Variants in SDK1 observed in about 807,000 individuals in gnomAD.
The protein encoded by SDK1 is sidekick cell adhesion molecule 1.
Under a neutral mutation model 245.5 loss-of-function variants are expected in SDK1, and 157 were observed. The ratio of observed to expected loss-of-function variants is 0.64; its 90% CI spans 0.56 to 0.73. The LOEUF is 0.73. SDK1 is among the 30% of genes least tolerant of loss of function. The probability of loss-of-function intolerance (pLI) is 0.00; values close to 1 mark genes in which losing one functional copy is unlikely to be tolerated. For missense variants in SDK1, 3,583 were observed against 3,002.3 expected, an observed-to-expected ratio of 1.19 and a Z score of -4.52; for synonymous variants, 1,647 against 1,278.5, an observed-to-expected ratio of 1.29 and a Z score of -6.15.
chr7:3,625,941 T>TA (rs1782103324), intron 2 of SDK1, among the ~76,000 whole-genome samples: 2 of 99,702 alleles, frequency 2.0e-5, no homozygotes, highest in Admixed American at 1.1e-4. Flanking sequence ...TTCTTTTCTT[T>TA]CTTTTTTTTT....
chr7:4,261,268 C>G (rs1465908674), intron 44 of SDK1, among the ~76,000 whole-genome samples: 2 of 152,132 alleles, frequency 1.3e-5, no homozygotes, highest in Non-Finnish European at 1.5e-5. Flanking sequence ...TTCACTCTGA[C>G]TCTCAGATGA....
At chr7:3,924,439 C>T (rs529024208) in intron 5 of SDK1, among the ~76,000 whole-genome samples, 25 of 152,260 alleles carry the variant, frequency 1.6e-4, no homozygotes, top group African/African-American at 5.5e-4. Context: ...CAGCTGAGCA[C>T]GTCGTGGTGA....
chr7:3,392,306 G>T (rs1781779002), intron 1 of SDK1, among the ~76,000 whole-genome samples: 1 of 151,934 alleles, frequency 6.6e-6, no homozygotes, highest in Non-Finnish European at 1.5e-5. Flanking sequence ...TACACTTGAG[G>T]TATTTAATTC....
At chr7:3,834,968 G>A (rs1054104403) in intron 5 of SDK1, among the ~76,000 whole-genome samples, 7 of 151,930 alleles carry the variant, frequency 4.6e-5, no homozygotes, top group Admixed American at 1.3e-4. Context: ...GGCTCTCCTC[G>A]TCCCAAGATG....
rs750145998 is a variant in SDK1 at position 4,127,461 on chromosome 7, G to C, written c.3904G>C (p.Glu1302Gln). Residue 1302 changes from glutamate to glutamine, a missense_variant, in exon 26 of 45, where the codon GAA (glutamate) becomes CAA (glutamine). Transcript: ENST00000404826. Reference sequence around the variant, plus strand: ...TTTACTGACATGGACATCCGTGCCGGAACAGGACCAGAATGGGCTCATACT... The same window carrying C: ...TTTACTGACATGGACATCCGTGCCGCAACAGGACCAGAATGGGCTCATACT... ...QILLTWTSVP[E>Q]QDQNGLILGY... 1 of 1,614,182 alleles carries C rather than the reference G, an allele frequency of 6.2e-7. No individual in the cohort carries two copies. Among genetic ancestry groups the C allele is most frequent in the African/African-American group, 1.3e-5 (1 of 75,058 alleles).
At chr7:4,126,346 C>G (rs59741199) in intron 25 of SDK1, among the ~76,000 whole-genome samples, 11,358 of 152,288 alleles carry the variant, frequency 0.075, 1,184 homozygotes, top group African/African-American at 0.22. Context: ...CATATTATAT[C>G]TGAATCAGTG....
intron 34 of SDK1, among the ~76,000 whole-genome samples, chr7:4,176,499 A>G (rs1211394736): frequency 6.6e-6 from 1 of 152,174 alleles, no homozygotes; most frequent in Non-Finnish European, 1.5e-5. Flanking sequence ...AAATACATAT[A>G]ACAGAAAATG....
chr7:3,456,565 A>G (rs187504506), intron 1 of SDK1, among the ~76,000 whole-genome samples: 1 of 152,174 alleles, frequency 6.6e-6, no homozygotes, highest in Non-Finnish European at 1.5e-5. Flanking sequence ...ATTTGTTTTT[A>G]AAAAAATAAC....
At chr7:4,043,587 A>T (rs967056925) in intron 17 of SDK1, among the ~76,000 whole-genome samples, 1 of 152,224 alleles carries the variant, frequency 6.6e-6, no homozygotes, top group African/African-American at 2.4e-5. Flanking sequence ...GTTTCTCTGT[A>T]AACATGGTGT....
chr7:3,793,210 A>G (rs1778862033), intron 4 of SDK1, among the ~76,000 whole-genome samples: 1 of 152,212 alleles, frequency 6.6e-6, no homozygotes, highest in Admixed American at 6.5e-5. Context: ...TCCGTAAAAG[A>G]CATTACATTT....
In SDK1 at chr7:3,655,582, A is replaced by G. The variant is rs1395113270; in HGVS notation, c.713+13477A>G. ...TTATATATCTGTCTATCCCTCTTACATACACTTGCTTATTTGCTGCTAATT... is the reference window on the plus strand; with the variant it reads ...TTATATATCTGTCTATCCCTCTTACGTACACTTGCTTATTTGCTGCTAATT... On this transcript the variant is annotated intron_variant, in intron 4 of 44. Coordinates refer to ENST00000404826, the MANE Select transcript of SDK1 (RefSeq NM_152744.4). 2.7e-5 allele frequency among the ~76,000 whole-genome samples: 4 copies of G among 147,684 alleles called. 1 individual carries two copies. The Admixed American group carries it at 2.7e-4, about 10-fold the overall frequency.
chr7:3,991,117 G>A (rs1383303335), intron 14 of SDK1, among the ~76,000 whole-genome samples: 1 of 152,226 alleles, frequency 6.6e-6, no homozygotes, highest in African/African-American at 2.4e-5. Flanking sequence ...ACATAGTGAT[G>A]TGACTGTATA....
At chr7:3,946,517 A>G (rs1347766407) in intron 5 of SDK1, among the ~76,000 whole-genome samples, 3 of 151,506 alleles carry the variant, frequency 2.0e-5, no homozygotes, top group African/African-American at 7.3e-5. Context: ...GGGTTTTGCC[A>G]TATTGCCTAG....
At chr7:4,092,429 G>A (rs2128184068) in intron 22 of SDK1, among the ~76,000 whole-genome samples, 1 of 152,318 alleles carries the variant, frequency 6.6e-6, no homozygotes, top group East Asian at 1.9e-4. Flanking sequence ...AAGCCCAGCT[G>A]TCCTAAACTC....
chr7:3,342,715 C>G (rs1780380840), intron 1 of SDK1, among the ~76,000 whole-genome samples: 2 of 152,066 alleles, frequency 1.3e-5, no homozygotes, highest in African/African-American at 4.8e-5. Flanking sequence ...AAGACTTTTT[C>G]TCCATGAAAG....
intron 1 of SDK1, among the ~76,000 whole-genome samples, chr7:3,595,991 C>G (rs139945340): frequency 2.7e-5 from 4 of 148,122 alleles, no homozygotes; most frequent in African/African-American, 1.0e-4. Flanking sequence ...CTACCTGATG[C>G]GGTCGTTGTG....
chr7:4,114,565 G>A (rs1055744576), intron 25 of SDK1, among the ~76,000 whole-genome samples: 1 of 152,230 alleles, frequency 6.6e-6, no homozygotes, highest in Non-Finnish European at 1.5e-5. Context: ...AAGCAAGAAT[G>A]TGTAAAGTTC....
intron 1 of SDK1, among the ~76,000 whole-genome samples, chr7:3,613,675 A>G (rs1396298263): frequency 6.6e-6 from 1 of 152,240 alleles, no homozygotes. Flanking sequence ...GTTCTATTAT[A>G]GAGACACAAA....
At chr7:4,034,162 G>A (rs73300921) in intron 17 of SDK1, among the ~76,000 whole-genome samples, 2,213 of 152,242 alleles carry the variant, frequency 0.015, 58 homozygotes, top group African/African-American at 0.051. Context: ...CTCAAACTAG[G>A]AACATATTGC....
Sources: allele counts gnomAD v4.1 joint callset (sites outside exome capture counted in the v4.1 genomes callset), GRCh38; gene constraint gnomAD v4.1.1; transcripts MANE v1.5; gene names NCBI Gene and HGNC (gene_info 2026-07-23, HGNC 2026-07-21).